Variants in TEX14 observed in about 807,000 individuals in gnomAD.
The protein encoded by TEX14 is inactive serine/threonine-protein kinase TEX14.
Under a neutral mutation model 178.6 loss-of-function variants are expected in TEX14, and 168 were observed. The ratio of observed to expected loss-of-function variants is 0.94; its 90% CI spans 0.83 to 1.07. The LOEUF (loss-of-function observed/expected upper bound fraction) is 1.07. TEX14 is among the 50% of genes least tolerant of loss of function. The pLI is 0.00. For missense variants in TEX14, 1,730 were observed against 1,753.6 expected (o/e 0.99, Z 0.24); for synonymous variants, 626 against 634.1 (o/e 0.99, Z 0.19).
intron 2 of TEX14, among the ~76,000 whole-genome samples, chr17:58,636,631 G>A (rs1490563008): frequency 6.6e-6 from 1 of 152,138 alleles, no homozygotes; most frequent in Non-Finnish European, 1.5e-5. Context: ...GTGATATTGT[G>A]AAATATGTAT....
chr17:58,597,038 G>A (rs543349210), intron 14 of TEX14, among the ~76,000 whole-genome samples: 28 of 152,296 alleles, frequency 1.8e-4, no homozygotes, highest in African/African-American at 6.0e-4. Flanking sequence ...AACCAACTTG[G>A]CCCTTGGTTG....
chr17:58,630,545 A>T lies in TEX14; in HGVS notation c.146T>A (p.Val49Asp). 1 of 1,612,346 alleles carries T rather than the reference A, an allele frequency of 6.2e-7. No individual in the cohort carries two copies. The highest frequency in any genetic ancestry group is 1.7e-5 in the Admixed American group (1 of 60,004). Residue 49 changes from valine to aspartate, a missense_variant, in exon 3 of 32, where the codon GTT becomes GAT. Physicochemically the swap from Val to Asp is radical, Grantham distance 152. Coordinates refer to ENST00000349033, the MANE Select transcript of TEX14 (RefSeq NM_031272.5). The part of the protein sequence containing the change: ...VKKILKKGIY[V>D]DAVNSLGQTA... Reference sequence around the variant, plus strand: ...TTGGCCCAAGGAGTTAACTGCATCAACATAAATTCCTGCAAAGGAAATATC... The same window carrying T: ...TTGGCCCAAGGAGTTAACTGCATCATCATAAATTCCTGCAAAGGAAATATC...
rs764441939 is a variant in TEX14 at position 58,602,610 on chromosome 17, C to T, written c.1337-20G>A. ...TGTCATCTGTAAGGAAAAAGTCATA[C>T]AAAAGAGTAAATTAGGAAACCAAAG... On this transcript the variant is annotated intron_variant, in intron 11 of 31. Transcript: ENST00000349033. 8.8e-6 allele frequency: 14 copies of T among 1,589,178 alleles called. No individual in the cohort carries two copies. Among genetic ancestry groups the T allele is most frequent in the Non-Finnish European group, 1.1e-5 (13 of 1,165,382 alleles).
chr17:58,611,165 C>T lies in TEX14; in HGVS notation c.1180G>A (p.Glu394Lys). 2.5e-6 allele frequency: 4 copies of T among 1,612,882 alleles called. No homozygotes were observed. The highest frequency in any genetic ancestry group is 3.4e-6 in the Non-Finnish European group (4 of 1,179,056). ...ARLTNLEYML[E>K]SEDRGVQRDL... is the part of the protein sequence containing the mutation. ...CCCACTCCATGTTATGCCCACCTTT[C>T]CAACATGTACTCCAGGTTGGTCAGC... The change falls in exon 10 of 32, where the codon GAA becomes AAA. Residue 394 changes from glutamate to lysine, a missense_variant. Glu to Lys is a moderately conservative substitution (Grantham distance 56). Around this residue, in one of 2 missense-constraint regions of TEX14, gnomAD observed 789 missense variants for 681.2 expected, o/e 1.16. Transcript: ENST00000349033.
intron 2 of TEX14, among the ~76,000 whole-genome samples, chr17:58,639,008 C>T (rs183227862): frequency 0.013 from 1,900 of 151,444 alleles, 21 homozygotes; most frequent in Non-Finnish European, 0.021. Flanking sequence ...GGACTACAGG[C>T]GCCTGCCACC....
chr17:58,625,827 G>A (rs975940163), intron 3 of TEX14, among the ~76,000 whole-genome samples: 10 of 152,084 alleles, frequency 6.6e-5, no homozygotes, highest in African/African-American at 1.9e-4. Flanking sequence ...TGCAACCTCC[G>A]CCTCCTGGGT....
intron 7 of TEX14, 50 bp downstream of exon 7, chr17:58,616,125 C>T (rs2045866320): frequency 6.3e-7 from 1 of 1,575,516 alleles, no homozygotes; most frequent in South Asian, 1.2e-5. Context: ...ATGCAGCCCA[C>T]TCTTCCCCTG....
At chr17:58,688,103 A>G (rs1434416966) in intron 1 of TEX14, among the ~76,000 whole-genome samples, 1 of 152,132 alleles carries the variant, frequency 6.6e-6, no homozygotes, top group African/African-American at 2.4e-5. Flanking sequence ...CGGCACTTTT[A>G]CAATTATAGA....
intron 1 of TEX14, among the ~76,000 whole-genome samples, chr17:58,683,457 G>A (rs1309832202): frequency 1.3e-5 from 2 of 150,444 alleles, no homozygotes; most frequent in Non-Finnish European, 3.0e-5. Context: ...GAATCTAGTA[G>A]ATTATTTAAA....
intron 1 of TEX14, among the ~76,000 whole-genome samples, chr17:58,659,506 C>G (rs1013582463): frequency 1.3e-5 from 2 of 152,178 alleles, no homozygotes; most frequent in Non-Finnish European, 2.9e-5. Context: ...TCACTGCGCC[C>G]CTATCTACAT....
intron 1 of TEX14, among the ~76,000 whole-genome samples, chr17:58,681,475 T>C (rs151014242): frequency 2.8e-4 from 42 of 152,286 alleles, no homozygotes; most frequent in Middle Eastern, 3.4e-3. Flanking sequence ...TTATGTAATA[T>C]ATATATACAT....
chr17:58,605,041 T>G lies in TEX14; in HGVS notation c.1273A>C (p.Lys425Gln). The G allele has an allele frequency of 6.2e-7, 1 of 1,614,202 alleles. No homozygotes were observed. Residue 425 changes from lysine (K) to glutamine (Q), a missense_variant, in exon 11 of 32, where the codon AAG (lysine) becomes CAG (glutamine). Around this residue, in one of 2 missense-constraint regions of TEX14, gnomAD observed 789 missense variants for 681.2 expected, o/e 1.16. Transcript: ENST00000349033. ...ATGTCTGATTTCACTGTGGCTGCCT[T>G]CTGTAAGATCACTTCTGGTGCGGCC... ...NWAAPEVILQ[K>Q]AATVKSDIYS... is the part of the protein sequence containing the mutation.
Position 58,630,490 on chromosome 17 carries a change from G to T in TEX14, c.201C>A (p.Gly67=). ...QTALFVAALL[G]LRKFVDVLVD... ...CCAGAACATCAACGAATTTCCTAAG[G>T]CCCAATAACGCCGCAACAAAAAGTG... Residue 67 remains glycine (G), a synonymous_variant, in exon 3 of 32, where the codon GGC becomes GGA. Coordinates refer to ENST00000349033, the MANE Select transcript of TEX14 (RefSeq NM_031272.5). 1 of 1,613,930 alleles carries T rather than the reference G, an allele frequency of 6.2e-7. No homozygotes were observed. The highest frequency in any genetic ancestry group is 1.3e-5 in the African/African-American group (1 of 74,974).
At chr17:58,572,449 G>C (rs561187383) in intron 23 of TEX14, among the ~76,000 whole-genome samples, 1 of 152,182 alleles carries the variant, frequency 6.6e-6, no homozygotes, top group Admixed American at 6.5e-5. Flanking sequence ...TGGCTAACAC[G>C]GTGAAACCCT....
chr17:58,602,944 C>T (rs2072244847), intron 11 of TEX14, among the ~76,000 whole-genome samples: 1 of 151,160 alleles, frequency 6.6e-6, no homozygotes. Context: ...CGCACACCTG[C>T]AATCCCAGCC....
chr17:58,616,353 C>T, intron 6 of TEX14, 48 bp from the exon 7 acceptor site: 1 of 1,591,692 alleles, frequency 6.3e-7, no homozygotes, highest in Non-Finnish European at 8.5e-7. Flanking sequence ...GGGGGAAAAG[C>T]AGAATACATC....
At chr17:58,661,371 C>G (rs1353222687) in intron 1 of TEX14, 1 of 923,604 alleles carries the variant, frequency 1.1e-6, no homozygotes, top group Non-Finnish European at 1.8e-6. Flanking sequence ...TACTTCAGGT[C>G]GGTGGAAGTA....
At chr17:58,648,655 C>T (rs1291339689) in intron 2 of TEX14, among the ~76,000 whole-genome samples, 1 of 152,120 alleles carries the variant, frequency 6.6e-6, no homozygotes, top group Non-Finnish European at 1.5e-5. Context: ...CAGGCTGGGA[C>T]TCAGGTCTCA....
At chr17:58,602,184 C>A (rs2045468826) in intron 12 of TEX14, among the ~76,000 whole-genome samples, 1 of 152,212 alleles carries the variant, frequency 6.6e-6, no homozygotes, top group Non-Finnish European at 1.5e-5. Context: ...CCCTACTATG[C>A]ATATGTGTTG....
Sources: allele counts gnomAD v4.1 joint callset (sites outside exome capture counted in the v4.1 genomes callset), GRCh38; gene constraint gnomAD v4.1.1; regional missense constraint gnomAD v4.1.1; transcripts MANE v1.5; gene names NCBI Gene and HGNC (gene_info 2026-07-23, HGNC 2026-07-21).